Variants in NBPF26 observed in about 807,000 individuals in gnomAD.
NBPF26 encodes NBPF family member NBPF26.
In NBPF26, 79 loss-of-function variants were observed where a neutral mutation model predicts 119.6. The ratio of observed to expected loss-of-function variants is 0.66; its 90% confidence interval spans 0.55 to 0.80. The LOEUF (loss-of-function observed/expected upper bound fraction) is 0.80, where lower values mean the gene tolerates loss of function less well. Ranked by LOEUF, NBPF26 falls within the 30% of genes least tolerant of loss-of-function variation. The pLI, the probability that NBPF26 is intolerant of heterozygous loss-of-function variation, is 0.00. For synonymous variants in NBPF26, 299 were observed against 457.7 expected (o/e 0.65, Z 4.43); for missense variants, 800 against 1,198.2 (o/e 0.67, Z 4.91).
intron 15 of NBPF26, among the ~76,000 whole-genome samples, chr1:120,820,448 ATAT>A (rs1166372222): frequency 1.7e-3 from 4 of 2,286 alleles, no homozygotes; most frequent in Non-Finnish European, 4.4e-3. Context: ...AGTATTAAAA[ATAT>A]ATATATATAT....
Position 120,748,025 on chromosome 1 carries a change from A to G in NBPF26, c.74-15603A>G, listed in dbSNP as rs1212595180. ...TTCATTGTCTGGGTTGGTATAAGTA[A>G]AAATCCTTGTTTGAAGTTATTAAGC... On this transcript the variant is annotated intron_variant, in intron 1 of 29. Coordinates refer to ENST00000620612, the Ensembl canonical transcript of NBPF26. Among the ~76,000 whole-genome samples, 185 of 30,044 alleles carry G rather than the reference A, an allele frequency of 6.2e-3. 17 individuals carry two copies. The African/African-American group carries it at 0.07, about 11-fold the overall frequency. The allele number at this position is 30,044 out of a possible 152,430, so 19.7% of individuals were successfully genotyped here.
intron 2 of NBPF26, among the ~76,000 whole-genome samples, chr1:120,784,740 G>C (rs1415817356): frequency 8.5e-6 from 1 of 117,854 alleles, no homozygotes; most frequent in Admixed American, 8.1e-5. Context: ...CTATTAGAAT[G>C]TAAACTCCAA....
chr1:120,814,368 TTCAC>T (rs1651955097), intron 11 of NBPF26, among the ~76,000 whole-genome samples: 1 of 112,054 alleles, frequency 8.9e-6, no homozygotes, highest in Non-Finnish European at 1.7e-5. Flanking sequence ...TTCTCATTCT[TTCAC>T]TCAATCAATG....
At chr1:120,817,415 A>ATCTTTT (rs1652034005) in intron 14 of NBPF26, among the ~76,000 whole-genome samples, 1 of 1,098 alleles carries the variant, frequency 9.1e-4, no homozygotes, top group Non-Finnish European at 1.5e-3. Context: ...AGCATCGTGG[A>ATCTTTT]TTTTTTTTTT....
Position 120,840,512 on chromosome 1 carries a change from T to A in NBPF26, c.4266T>A (p.Leu1422=), listed in dbSNP as rs1553273532. 8.1e-6 allele frequency: 12 copies of A among 1,475,556 alleles called. 1 individual carries two copies. Among genetic ancestry groups the A allele is most frequent in the Admixed American group, 1.8e-5 (1 of 55,004 alleles). The allele number at this position is 1,475,556 out of a possible 1,614,324, so 91.4% of individuals were successfully genotyped here. A position where few individuals can be genotyped will look rare whatever the true frequency, so the allele number is the denominator to read the frequency against. ...AGGAAGAGCATATCAGCTTCGCCCTTTACGTGGACAATAGGTTTTTTACTT... is the reference window on the plus strand; with the variant it reads ...AGGAAGAGCATATCAGCTTCGCCCTATACGTGGACAATAGGTTTTTTACTT... The change falls in exon 30 of 30, where the codon CTT becomes CTA. Residue 1422 remains leucine, a synonymous_variant. Coordinates refer to ENST00000620612, the Ensembl canonical transcript of NBPF26.
At chr1:120,816,890 A>G in intron 14 of NBPF26, 63 bp downstream of exon 14, 1 of 1,447,996 alleles carries the variant, frequency 6.9e-7, no homozygotes, top group Non-Finnish European at 9.3e-7. Flanking sequence ...AACTCTGAAG[A>G]CAGGCTCTAT....
At chr1:120,806,647 T>A (rs1443988081) in intron 5 of NBPF26, among the ~76,000 whole-genome samples, 1 of 120,876 alleles carries the variant, frequency 8.3e-6, no homozygotes, top group East Asian at 2.0e-4. Context: ...AAGCAGAGAG[T>A]ACCTTGGTGA....
At chr1:120,825,336 C>T (rs1240005451) in intron 18 of NBPF26, among the ~76,000 whole-genome samples, 178 bp from the exon 20 acceptor site, 12 of 122,330 alleles carry the variant, frequency 9.8e-5, no homozygotes, top group African/African-American at 2.3e-4. Flanking sequence ...CTTTCTCTTT[C>T]GTTCTTTTCT....
At position 120,811,958 on chromosome 1, in the gene NBPF26, C is replaced by A. The variant is rs1651880122; in HGVS notation, c.1637C>A (p.Ala546Glu). ...GCCGGCCCTTTGTCCGGCGAGAAGGCAGCGATAAACATTCTAGAAATCAAT... is the reference window on the plus strand; with the variant it reads ...GCCGGCCCTTTGTCCGGCGAGAAGGAAGCGATAAACATTCTAGAAATCAAT... Residue 546 changes from alanine to glutamate, a missense_variant, in exon 10 of 30, where the codon GCA (alanine) becomes GAA (glutamate). Ala to Glu is a moderately radical substitution (Grantham distance 107, BLOSUM62 -1). Coordinates refer to ENST00000620612, the Ensembl canonical transcript of NBPF26. 3.7e-5 allele frequency: 45 copies of A among 1,231,718 alleles called. 14 individuals carry two copies. The highest frequency in any genetic ancestry group is 4.7e-5 in the Non-Finnish European group (42 of 892,264). 76.3% of individuals were successfully genotyped at this position (1,231,718 alleles called of 1,614,324 possible).
At position 120,779,509 on chromosome 1, in the gene NBPF26, G is replaced by A. The variant is rs1225988587; in HGVS notation, c.156-5465G>A. Among the ~76,000 whole-genome samples the A allele has an allele frequency of 1.7e-5, 2 of 119,022 alleles. 1 individual carries two copies. Among genetic ancestry groups the A allele is most frequent in the African/African-American group, 7.8e-5 (2 of 25,564 alleles). 78.1% of individuals were successfully genotyped at this position (119,022 alleles called of 152,430 possible). A position where few individuals can be genotyped will look rare whatever the true frequency, so the allele number is the denominator to read the frequency against. ...TAAGTAAAAGTCACTGAGAGACATT[G>A]AAGAGACAGTTATGAAAATAATTAA... On this transcript the variant is annotated intron_variant, in intron 2 of 29. Transcript: ENST00000620612.
rs1237665239 is a variant in NBPF26, at chr1:120,817,805, C to G, written c.2372-318C>G. Among the ~76,000 whole-genome samples the G allele has an allele frequency of 4.0e-5, 4 of 99,998 alleles. 1 individual carries two copies. Among genetic ancestry groups the G allele is most frequent in the African/African-American group, 2.7e-4 (4 of 14,956 alleles). The allele number at this position is 99,998 out of a possible 152,430, so 65.6% of individuals were successfully genotyped here. ...GTTACCTGGTGATATAAGTCCATAT[C>G]GCAGCAACACTCTTAGAAAATTGTT... On this transcript the variant is annotated intron_variant, in intron 14 of 29. Coordinates refer to ENST00000620612, the Ensembl canonical transcript of NBPF26.
In NBPF26 at chr1:120,726,797, C is replaced by G. The variant is rs1248427044; in HGVS notation, c.73+2547C>G. Reference sequence around the variant, plus strand: ...GGAGGAGAAGAGTGATTCCTAGTCTCTCTTATTTTTCTGAATGTTTAGATT... The same window carrying G: ...GGAGGAGAAGAGTGATTCCTAGTCTGTCTTATTTTTCTGAATGTTTAGATT... On this transcript the variant is annotated intron_variant, in intron 1 of 29. Coordinates refer to ENST00000620612, the Ensembl canonical transcript of NBPF26. Among the ~76,000 whole-genome samples the G allele has an allele frequency of 3.6e-5, 4 of 112,338 alleles. 1 individual carries two copies. Among genetic ancestry groups the G allele is most frequent in the Non-Finnish European group, 6.7e-5 (4 of 59,474 alleles). The allele number at this position is 112,338 out of a possible 152,430, so 73.7% of individuals were successfully genotyped here. A position where few individuals can be genotyped will look rare whatever the true frequency, so the allele number is the denominator to read the frequency against.
intron 15 of NBPF26, among the ~76,000 whole-genome samples, chr1:120,819,057 C>T (rs1182998233): frequency 8.1e-6 from 1 of 122,906 alleles, no homozygotes; most frequent in African/African-American, 3.9e-5. Flanking sequence ...TCTCATTGAT[C>T]TGTTTAATAT....
chr1:120,811,260 T>G lies in NBPF26; in HGVS notation c.1565-626T>G, dbSNP rs1419347836. 4.0e-5 allele frequency among the ~76,000 whole-genome samples: 4 copies of G among 100,700 alleles called. 1 individual carries two copies. The highest frequency in any genetic ancestry group is 1.2e-4 in the African/African-American group (2 of 16,150). The allele number at this position is 100,700 out of a possible 152,430, so 66.1% of individuals were successfully genotyped here. On this transcript the variant is annotated intron_variant, in intron 9 of 29. Transcript: ENST00000620612. The stretch of plus-strand genomic sequence containing the variant: ...GAGACTCCATCTCAAAAAAAAAAAG[T>G]CTCTGACCAGGGGCGCTGGCTCACA...
chr1:120,813,431 A>C (rs1168930707), intron 10 of NBPF26, among the ~76,000 whole-genome samples: 1 of 127,986 alleles, frequency 7.8e-6, no homozygotes, highest in South Asian at 2.3e-4. Flanking sequence ...TAAAAATCAA[A>C]GATTTTAAAA....
rs1263305801 is a variant in NBPF26 at position 120,765,780 on chromosome 1, C to A, written c.155+2071C>A. Among the ~76,000 whole-genome samples, 2 of 127,864 alleles carry A rather than the reference C, an allele frequency of 1.6e-5. 1 individual carries two copies. The highest frequency in any genetic ancestry group is 3.3e-5 in the Non-Finnish European group (2 of 61,090). The allele number at this position is 127,864 out of a possible 152,430, so 83.9% of individuals were successfully genotyped here. A position where few individuals can be genotyped will look rare whatever the true frequency, so the allele number is the denominator to read the frequency against. On this transcript the variant is annotated intron_variant, in intron 2 of 29. Coordinates refer to ENST00000620612, the Ensembl canonical transcript of NBPF26. ...ATAAAGAAAATGTGGCATGTATACACGATGGAATACTATGCAGCCATAAAA... is the reference window on the plus strand; with the variant it reads ...ATAAAGAAAATGTGGCATGTATACAAGATGGAATACTATGCAGCCATAAAA...
chr1:120,770,401 C>T (rs1651249640), intron 2 of NBPF26, among the ~76,000 whole-genome samples: 1 of 111,464 alleles, frequency 9.0e-6, no homozygotes, highest in South Asian at 2.6e-4. Context: ...TATCTCCTGA[C>T]CTCATGATCT....
At position 120,790,538 on chromosome 1, in the gene NBPF26, T is replaced by TTCTTTCTC. The variant is rs1218526165; in HGVS notation, c.416-2616_416-2615insCTCTTTCT. 6.4e-5 allele frequency among the ~76,000 whole-genome samples: 3 copies of TTCTTTCTC among 46,532 alleles called. 1 individual carries two copies. The East Asian group carries it at 1.4e-3, about 22-fold the overall frequency. The allele number at this position is 46,532 out of a possible 152,430, so 30.5% of individuals were successfully genotyped here. ...ATTCTTTCTTTCTTTCTCCCTCCCT[T>TTCTTTCTC]TCTTTCTTTCTTTCTTTCTTTCTTT... is the stretch of plus-strand genomic sequence containing the variant. On this transcript the variant is annotated intron_variant, in intron 3 of 29. Coordinates refer to ENST00000620612, the Ensembl canonical transcript of NBPF26.
intron 2 of NBPF26, among the ~76,000 whole-genome samples, chr1:120,768,447 AC>A (rs1308058373): frequency 2.0e-5 from 2 of 99,346 alleles, no homozygotes; most frequent in Admixed American, 1.0e-4. Flanking sequence ...CTTTGAAGCT[AC>A]CCACTCTGTG....
Sources: gnomAD v4.1 joint callset for allele counts (sites outside exome capture counted in the v4.1 genomes callset) on GRCh38, gnomAD v4.1.1 for gene constraint, MANE v1.5 for transcripts, NCBI Gene and HGNC (gene_info 2026-07-23, HGNC 2026-07-21) for gene names.